EPRS1: variants seen among roughly 807,000 people sequenced by gnomAD.
EPRS1 encodes the protein bifunctional glutamate/proline--tRNA ligase.
In EPRS1, 107 loss-of-function variants were observed where a neutral mutation model predicts 188.3. That is an observed-to-expected ratio of 0.57 (90% CI 0.49 to 0.67). The LOEUF (loss-of-function observed/expected upper bound fraction) is 0.67. Among genes scored for constraint, EPRS1 ranks in the 30% least tolerant of loss-of-function variants. EPRS1 has a pLI of 0.00. For missense variants in EPRS1, 1,577 were observed against 1,802.2 expected (o/e 0.88, Z 2.26); for synonymous variants, 596 against 593.1 (o/e 1.00, Z -0.07).
At chr1:220,034,341 G>A (rs1248371058) in intron 3 of EPRS1, among the ~76,000 whole-genome samples, 12 of 152,188 alleles carry the variant, frequency 7.9e-5, no homozygotes, top group African/African-American at 2.9e-4. Flanking sequence ...GCCTAGGTGG[G>A]TAGTAGGCTA....
intron 26 of EPRS1, 98 bp from the exon 27 acceptor site, chr1:219,979,713 C>CT: frequency 6.6e-6 from 5 of 762,580 alleles, no homozygotes; most frequent in Non-Finnish European, 8.5e-6. Flanking sequence ...TGGCACTACA[C>CT]TTTTTTTCTC....
intron 9 of EPRS1, among the ~76,000 whole-genome samples, chr1:220,021,843 A>G (rs1165886761): frequency 7.6e-6 from 1 of 131,712 alleles, no homozygotes; most frequent in African/African-American, 3.0e-5. Context: ...ATTTTTTATG[A>G]TTTATTTTAT....
intron 5 of EPRS1, among the ~76,000 whole-genome samples, chr1:220,031,487 T>C (rs1318186122): frequency 6.6e-6 from 1 of 152,144 alleles, no homozygotes; most frequent in Non-Finnish European, 1.5e-5. Context: ...ACATGAGAAG[T>C]CATAACAGGA....
Position 219,981,428 on chromosome 1 carries a change from G to A in EPRS1, c.3403C>T (p.Gln1135Ter). The change falls in exon 24 of 32, where the codon CAG (glutamine) becomes TAG (stop). Residue 1135 changes from glutamine (Q) to a stop codon, truncating the protein, a stop_gained. Coordinates refer to ENST00000366923, the MANE Select transcript of EPRS1 (RefSeq NM_004446.3). LOFTEE classifies it high-confidence loss of function. Reference sequence around the variant, plus strand: ...TTGATGGGCAGGTCTCTGTGTGACTGTACCCATTTTGCATATGCAGGATAC... The same window carrying A: ...TTGATGGGCAGGTCTCTGTGTGACTATACCCATTTTGCATATGCAGGATAC... ...VMYPAYAKWV[Q>*]SHRDLPIKLN... The A allele has an allele frequency of 6.2e-7, 1 of 1,605,740 alleles. No individual in the cohort carries two copies. Among genetic ancestry groups the A allele is most frequent in the Non-Finnish European group, 8.5e-7 (1 of 1,175,080 alleles).
chr1:219,990,056 G>A (rs1571665002), intron 18 of EPRS1, among the ~76,000 whole-genome samples: 1 of 150,496 alleles, frequency 6.6e-6, no homozygotes, highest in African/African-American at 2.5e-5. Flanking sequence ...TTTGAAAGAA[G>A]CTCCATTTTA....
Position 220,018,486 on chromosome 1 carries a change from T to C in EPRS1, c.1457A>G (p.Asn486Ser). The C allele has an allele frequency of 6.2e-7, 1 of 1,612,356 alleles. No individual in the cohort carries two copies. Among genetic ancestry groups the C allele is most frequent in the Non-Finnish European group, 8.5e-7 (1 of 1,179,136 alleles). The change falls in exon 12 of 32, where the codon AAC becomes AGC. Residue 486 changes from asparagine (N) to serine (S), a missense_variant. This residue lies in a region of EPRS1 where 1,278 missense variants were observed against 1,457.4 expected (regional missense o/e 0.88). Coordinates refer to ENST00000366923, the MANE Select transcript of EPRS1 (RefSeq NM_004446.3). ...AAQGSSRSVVNMEWDKIWAFN... is the reference protein window; with the variant it reads ...AAQGSSRSVVSMEWDKIWAFN... ...CGCCCAGATTTTGTCCCACTCCATG[T>C]TCACGACTGAACGTGAGGAGCCCTA... is the stretch of plus-strand genomic sequence containing the variant.
chr1:219,972,654 C>T (rs573595879), intron 29 of EPRS1, among the ~76,000 whole-genome samples: 1 of 152,276 alleles, frequency 6.6e-6, no homozygotes, highest in African/African-American at 2.4e-5. Flanking sequence ...AACAGGGTGC[C>T]ACGCTAAGCC....
chr1:220,019,213 G>A (rs899611410), intron 10 of EPRS1, 134 bp from the exon 11 acceptor site: 3 of 641,602 alleles, frequency 4.7e-6, no homozygotes, highest in African/African-American at 3.7e-5. Context: ...TACTAATTAG[G>A]TAGTATGCAA....
chr1:219,976,699 A>G (rs574060235), intron 28 of EPRS1, among the ~76,000 whole-genome samples: 3 of 152,178 alleles, frequency 2.0e-5, no homozygotes, highest in Non-Finnish European at 4.4e-5. Flanking sequence ...AAAGACACAG[A>G]GGTGGAAAAA....
intron 2 of EPRS1, among the ~76,000 whole-genome samples, chr1:220,038,669 C>T (rs1214845152): frequency 1.3e-5 from 2 of 152,064 alleles, no homozygotes; most frequent in African/African-American, 2.4e-5. Flanking sequence ...TGAGCCACTG[C>T]GCCTGGCCAC....
At chr1:220,026,527 T>C (rs1380911524) in intron 6 of EPRS1, among the ~76,000 whole-genome samples, 3 of 151,710 alleles carry the variant, frequency 2.0e-5, no homozygotes, top group Admixed American at 1.3e-4. Flanking sequence ...TTTGTTGTTG[T>C]TGTTTTGTTT....
intron 12 of EPRS1, 22 bp downstream of exon 12, chr1:220,018,427 G>A (rs1289019156): frequency 1.3e-6 from 2 of 1,572,132 alleles, no homozygotes; most frequent in African/African-American, 1.4e-5. Flanking sequence ...GAGAAAAGAA[G>A]GCAGAGAGTT....
chr1:220,005,470 A>G, intron 15 of EPRS1, 110 bp from the exon 16 acceptor site: 1 of 562,908 alleles, frequency 1.8e-6, no homozygotes, highest in Non-Finnish European at 3.1e-6. Flanking sequence ...TTAAACAGAT[A>G]TGTTAAAAAG....
At chr1:220,020,828 A>ATT (rs1409355307) in intron 9 of EPRS1, among the ~76,000 whole-genome samples, 17 of 1,978 alleles carry the variant, frequency 8.6e-3, no homozygotes, top group Admixed American at 0.028. Flanking sequence ...TTGAATTTAT[A>ATT]TATATATATA....
chr1:219,982,351 C>T (rs745954505), intron 23 of EPRS1, among the ~76,000 whole-genome samples: 2 of 152,056 alleles, frequency 1.3e-5, no homozygotes, highest in African/African-American at 2.4e-5. Context: ...AAGAATAACA[C>T]GAGATGACGT....
At chr1:219,993,989 G>A (rs1265714842) in intron 18 of EPRS1, among the ~76,000 whole-genome samples, 1 of 152,186 alleles carries the variant, frequency 6.6e-6, no homozygotes, top group East Asian at 1.9e-4. Flanking sequence ...TAGTAACTGG[G>A]TTCGTTCTTT....
At chr1:220,035,067 T>C (rs777748280) in intron 2 of EPRS1, 54 bp from the exon 3 acceptor site, 1 of 828,848 alleles carries the variant, frequency 1.2e-6, no homozygotes. Flanking sequence ...AATCAGTAAG[T>C]CATGAGACTT....
chr1:220,007,249 C>G lies in EPRS1; in HGVS notation c.1695G>C (p.Met565Ile). 6.2e-7 allele frequency: 1 copy of G among 1,613,536 alleles called. No homozygotes were observed. The highest frequency in any genetic ancestry group is 8.5e-7 in the Non-Finnish European group (1 of 1,179,664). ...ADAETFSEGE[M>I]VTFINWGNLN... ...GGTTGCCCCAATTTATAAATGTAACCATCTCACCCTCCGAAAAAGTCTCTG... is the reference window on the plus strand; with the variant it reads ...GGTTGCCCCAATTTATAAATGTAACGATCTCACCCTCCGAAAAAGTCTCTG... The change falls in exon 14 of 32, where the codon ATG (methionine) becomes ATC (isoleucine). Residue 565 changes from methionine (M) to isoleucine (I), a missense_variant. This residue lies in a region of EPRS1 where 1,278 missense variants were observed against 1,457.4 expected (regional missense o/e 0.88). Transcript: ENST00000366923.
At chr1:219,988,346 A>G (rs1661051154) in intron 19 of EPRS1, among the ~76,000 whole-genome samples, 1 of 152,132 alleles carries the variant, frequency 6.6e-6, no homozygotes, top group Admixed American at 6.6e-5. Flanking sequence ...ACAATTTAAC[A>G]ATTAAAATAC....
Sources: allele counts gnomAD v4.1 joint callset (sites outside exome capture counted in the v4.1 genomes callset), GRCh38; gene constraint gnomAD v4.1.1; regional missense constraint gnomAD v4.1.1; transcripts MANE v1.5; gene names NCBI Gene and HGNC (gene_info 2026-07-23, HGNC 2026-07-21).